The following NALF1 variants were observed in gnomAD, a reference collection of about 807,000 sequenced individuals.
The protein encoded by NALF1 is family with sequence similarity 155 member A.
In NALF1, 3 loss-of-function variants were observed where a neutral mutation model predicts 48.4. The ratio of observed to expected loss-of-function variants is 0.06; its 90% CI spans 0.03 to 0.16. The LOEUF (loss-of-function observed/expected upper bound fraction) is 0.16, where lower values mean the gene tolerates loss of function less well. Ranked by LOEUF, NALF1 falls within the 10% of genes least tolerant of loss-of-function variation. The pLI is 1.00. For missense variants in NALF1, 526 were observed against 571.5 expected (o/e 0.92, Z 0.81); for synonymous variants, 262 against 245.7 (o/e 1.07, Z -0.62).
At chr13:107,597,585 G>C (rs1271299915) in intron 1 of NALF1, among the ~76,000 whole-genome samples, 1 of 151,968 alleles carries the variant, frequency 6.6e-6, no homozygotes, top group African/African-American at 2.4e-5. Context: ...GTAACATAAA[G>C]GGTACTGAAT....
At chr13:107,864,521 G>A (rs116843642) in intron 1 of NALF1, among the ~76,000 whole-genome samples, 1,713 of 152,330 alleles carry the variant, frequency 0.011, 8 homozygotes, top group Non-Finnish European at 0.016. Context: ...TGTTCTGCTT[G>A]TATATGGGAT....
At chr13:107,695,320 T>C (rs1215603203) in intron 1 of NALF1, among the ~76,000 whole-genome samples, 1 of 152,174 alleles carries the variant, frequency 6.6e-6, no homozygotes. Context: ...ATGTGTAAAG[T>C]AGAATAATTT....
At chr13:107,721,459 G>T (rs903308682) in intron 1 of NALF1, among the ~76,000 whole-genome samples, 1 of 152,118 alleles carries the variant, frequency 6.6e-6, no homozygotes, top group Non-Finnish European at 1.5e-5. Flanking sequence ...CTACATTTTT[G>T]AATGGAGCAG....
intron 1 of NALF1, among the ~76,000 whole-genome samples, chr13:107,213,926 C>T (rs553957426): frequency 1.4e-4 from 22 of 151,836 alleles, no homozygotes; most frequent in East Asian, 7.7e-4. Flanking sequence ...GTGCCAATGA[C>T]GATGGATTTA....
intron 1 of NALF1, among the ~76,000 whole-genome samples, chr13:107,601,991 T>C (rs991863941): frequency 6.6e-6 from 1 of 152,146 alleles, no homozygotes; most frequent in Non-Finnish European, 1.5e-5. Flanking sequence ...TCCTTGAACA[T>C]TTTTTCTTCA....
chr13:107,183,977 T>TC (rs920936288), intron 2 of NALF1, among the ~76,000 whole-genome samples: 1 of 151,984 alleles, frequency 6.6e-6, no homozygotes, highest in African/African-American at 2.4e-5. Flanking sequence ...TCTTTTTCTT[T>TC]TTTTTTTTAT....
At chr13:107,637,716 T>C (rs1052320997) in intron 1 of NALF1, among the ~76,000 whole-genome samples, 1 of 152,020 alleles carries the variant, frequency 6.6e-6, no homozygotes, top group Non-Finnish European at 1.5e-5. Flanking sequence ...AGTATGCAAA[T>C]GGGAGGGCTG....
At chr13:107,356,701 T>C (rs890095770) in intron 1 of NALF1, among the ~76,000 whole-genome samples, 3 of 152,168 alleles carry the variant, frequency 2.0e-5, no homozygotes, top group African/African-American at 4.8e-5. Flanking sequence ...AAGTAGTAAC[T>C]GGATTAGTAG....
intron 1 of NALF1, among the ~76,000 whole-genome samples, chr13:107,854,919 G>A (rs1464645114): frequency 1.3e-5 from 2 of 151,330 alleles, no homozygotes; most frequent in Non-Finnish European, 2.9e-5. Context: ...ACTTCAAAAC[G>A]TCTGTGAGGC....
At chr13:107,304,900 T>C (rs1881906277) in intron 1 of NALF1, among the ~76,000 whole-genome samples, 1 of 152,232 alleles carries the variant, frequency 6.6e-6, no homozygotes, top group African/African-American at 2.4e-5. Flanking sequence ...ACAGGCTAAC[T>C]CCTGGAAAAT....
chr13:107,212,883 G>C (rs1157583310), intron 1 of NALF1, among the ~76,000 whole-genome samples: 1 of 152,116 alleles, frequency 6.6e-6, no homozygotes, highest in Non-Finnish European at 1.5e-5. Context: ...AGAGTTGCCT[G>C]TTTTTCTTTA....
intron 1 of NALF1, among the ~76,000 whole-genome samples, chr13:107,430,047 C>T (rs888413006): frequency 6.6e-6 from 1 of 152,118 alleles, no homozygotes; most frequent in African/African-American, 2.4e-5. Context: ...GAGTTCTGAG[C>T]CTTGATATTA....
chr13:107,585,450 T>G (rs1878429762), intron 1 of NALF1, among the ~76,000 whole-genome samples: 1 of 152,186 alleles, frequency 6.6e-6, no homozygotes, highest in South Asian at 2.1e-4. Context: ...AATTTTGTTT[T>G]AAGGAACCAA....
At chr13:107,188,093 C>T (rs1879214070) in intron 2 of NALF1, among the ~76,000 whole-genome samples, 1 of 152,100 alleles carries the variant, frequency 6.6e-6, no homozygotes, top group Non-Finnish European at 1.5e-5. Flanking sequence ...AACTTAAATG[C>T]AATGATTTAC....
chr13:107,579,050 C>G (rs1878228947), intron 1 of NALF1, among the ~76,000 whole-genome samples: 1 of 152,152 alleles, frequency 6.6e-6, no homozygotes, highest in Non-Finnish European at 1.5e-5. Flanking sequence ...CCTAAGTTTT[C>G]TCCATGCTTT....
At chr13:107,377,124 C>T (rs536332385) in intron 1 of NALF1, among the ~76,000 whole-genome samples, 18 of 152,198 alleles carry the variant, frequency 1.2e-4, no homozygotes, top group Non-Finnish European at 2.2e-4. Context: ...CATCTGCTCC[C>T]ACCCCACCCC....
intron 1 of NALF1, among the ~76,000 whole-genome samples, chr13:107,824,855 A>G (rs563922979): frequency 6.6e-6 from 1 of 152,326 alleles, no homozygotes; most frequent in African/African-American, 2.4e-5. Context: ...TTTGCTTTGC[A>G]CCACTGCTCT....
intron 1 of NALF1, among the ~76,000 whole-genome samples, chr13:107,678,053 C>T (rs767941118): frequency 6.6e-6 from 1 of 152,106 alleles, no homozygotes; most frequent in Admixed American, 6.5e-5. Flanking sequence ...TTTTGGATTT[C>T]TTAATAACCA....
chr13:107,444,886 C>T (rs1253438265), intron 1 of NALF1, among the ~76,000 whole-genome samples: 1 of 152,150 alleles, frequency 6.6e-6, no homozygotes. Context: ...CCCAATCTTA[C>T]TTCATCTACT....
Sources: gnomAD v4.1 joint callset for allele counts (sites outside exome capture counted in the v4.1 genomes callset) on GRCh38, gnomAD v4.1.1 for gene constraint, MANE v1.5 for transcripts, NCBI Gene and HGNC (gene_info 2026-07-23, HGNC 2026-07-21) for gene names.